CSMD3: variants seen among roughly 807,000 people sequenced by gnomAD.
CSMD3 encodes the protein CUB and Sushi multiple domains 3.
In CSMD3, 177 loss-of-function variants were observed where a neutral mutation model predicts 435.2. The observed-to-expected ratio is 0.41, with a 90% CI of 0.36 to 0.46. The LOEUF is 0.46. CSMD3 is among the 20% of genes least tolerant of loss of function. CSMD3 has a pLI of 0.34. For synonymous variants in CSMD3, 1,656 were observed against 1,520.5 expected, an observed-to-expected ratio of 1.09 and a Z score of -2.07; for missense variants, 4,265 against 4,504.6, an observed-to-expected ratio of 0.95 and a Z score of 1.52.
chr8:112,554,947 G>A (rs1827987922), intron 25 of CSMD3, among the ~76,000 whole-genome samples: 1 of 151,838 alleles, frequency 6.6e-6, no homozygotes, highest in Admixed American at 6.6e-5. Context: ...TATAATCATA[G>A]GCCAAGTGTT....
intron 2 of CSMD3, among the ~76,000 whole-genome samples, chr8:113,290,062 A>C (rs1436721890): frequency 6.6e-6 from 1 of 151,780 alleles, no homozygotes; most frequent in Non-Finnish European, 1.5e-5. Flanking sequence ...TGCACATACA[A>C]TCTATGCCAA....
At chr8:112,638,638 T>C in intron 21 of CSMD3, 58 bp downstream of exon 21, 1 of 1,031,200 alleles carries the variant, frequency 9.7e-7, no homozygotes, top group East Asian at 2.4e-5. Context: ...GCTCATATCT[T>C]GAAAAATTGC....
intron 22 of CSMD3, among the ~76,000 whole-genome samples, chr8:112,636,265 T>G (rs1304094513): frequency 6.6e-6 from 1 of 152,144 alleles, no homozygotes; most frequent in African/African-American, 2.4e-5. Flanking sequence ...AATAGCTCTC[T>G]TAATTTATCT....
chr8:113,216,509 A>T (rs963889532), intron 3 of CSMD3, among the ~76,000 whole-genome samples: 10 of 151,866 alleles, frequency 6.6e-5, no homozygotes, highest in South Asian at 2.1e-4. Context: ...CATTTTTTTA[A>T]AATTTCAAAA....
In CSMD3 at chr8:112,745,778, T is replaced by A. The variant is rs1202889630; in HGVS notation, c.1972+54384A>T. Among the ~76,000 whole-genome samples, 5 of 151,768 alleles carry A rather than the reference T, an allele frequency of 3.3e-5. No homozygotes were observed. The South Asian group carries it at 1.1e-3, about 32-fold the overall frequency. On this transcript the variant is annotated intron_variant, in intron 13 of 70. Coordinates refer to ENST00000297405, the MANE Select transcript of CSMD3 (RefSeq NM_198123.2). ...GAAATATGACTATAATGCTTACTAA[T>A]ACAAAATGCCCCTAGATAATGTAGG...
chr8:113,097,371 C>T (rs1031744173), intron 5 of CSMD3, among the ~76,000 whole-genome samples: 3 of 151,996 alleles, frequency 2.0e-5, no homozygotes, highest in Non-Finnish European at 4.4e-5. Context: ...ACCAAAGAGG[C>T]CTGCTCTTTC....
In CSMD3 at chr8:113,248,581, A is replaced by G. The variant is rs1466569153; in HGVS notation, c.514+30011T>C. Among the ~76,000 whole-genome samples the G allele has an allele frequency of 2.0e-5, 3 of 148,818 alleles. No individual in the cohort carries two copies. The East Asian group carries it at 5.9e-4, about 29-fold the overall frequency. On this transcript the variant is annotated intron_variant, in intron 3 of 70. Coordinates refer to ENST00000297405, the MANE Select transcript of CSMD3 (RefSeq NM_198123.2). ...ACATGTGGAGGAAATAAATTGTTATATATAAATTGCCATGTATTTATTTAT... is the reference window on the plus strand; with the variant it reads ...ACATGTGGAGGAAATAAATTGTTATGTATAAATTGCCATGTATTTATTTAT...
intron 23 of CSMD3, among the ~76,000 whole-genome samples, chr8:112,584,204 A>G (rs1563732198): frequency 2.0e-5 from 3 of 151,966 alleles, no homozygotes; most frequent in South Asian, 2.1e-4. Context: ...CTAGAGCCAA[A>G]GAAGGATATA....
At chr8:112,963,192 T>C (rs973283159) in intron 7 of CSMD3, among the ~76,000 whole-genome samples, 3 of 151,982 alleles carry the variant, frequency 2.0e-5, no homozygotes, top group Non-Finnish European at 2.9e-5. Context: ...AAGGCTACAA[T>C]AGGACTTTGT....
intron 8 of CSMD3, among the ~76,000 whole-genome samples, chr8:112,954,243 CTTG>C (rs1447318109): frequency 6.6e-6 from 1 of 151,406 alleles, no homozygotes; most frequent in African/African-American, 2.4e-5. Flanking sequence ...CAAATTAAGA[CTTG>C]TTTTTTCTGA....
chr8:112,538,478 A>T (rs1266436520), intron 27 of CSMD3, among the ~76,000 whole-genome samples: 3 of 152,154 alleles, frequency 2.0e-5, no homozygotes, highest in African/African-American at 7.2e-5. Context: ...ATGTTGTTAG[A>T]ACTTATAAAT....
At chr8:112,796,309 T>C (rs2078828137) in intron 13 of CSMD3, among the ~76,000 whole-genome samples, 2 of 152,110 alleles carry the variant, frequency 1.3e-5, no homozygotes, top group Admixed American at 1.3e-4. Context: ...ATATTTGTTG[T>C]TTGCTTTCTG....
At chr8:112,395,255 C>T (rs1830766089) in intron 35 of CSMD3, among the ~76,000 whole-genome samples, 1 of 152,044 alleles carries the variant, frequency 6.6e-6, no homozygotes, top group South Asian at 2.1e-4. Context: ...TTTATCTAAA[C>T]CAAGAGGTTT....
chr8:113,410,243 A>G (rs913239580), intron 1 of CSMD3, among the ~76,000 whole-genome samples: 2 of 152,136 alleles, frequency 1.3e-5, no homozygotes, highest in African/African-American at 4.8e-5. Flanking sequence ...TTCCTGTCCT[A>G]TTTACCCCTC....
intron 2 of CSMD3, among the ~76,000 whole-genome samples, chr8:113,305,850 A>C (rs1225302863): frequency 2.6e-5 from 4 of 152,202 alleles, no homozygotes; most frequent in African/African-American, 9.6e-5. Flanking sequence ...CTTTTTTTCT[A>C]ATTCACTTGC....
chr8:112,877,802 A>G (rs1419872743), intron 10 of CSMD3, among the ~76,000 whole-genome samples: 1 of 152,198 alleles, frequency 6.6e-6, no homozygotes, highest in African/African-American at 2.4e-5. Context: ...AACCAGACAA[A>G]AATAAGCAAT....
chr8:113,197,381 C>T (rs1417768063), intron 3 of CSMD3, among the ~76,000 whole-genome samples: 3 of 150,744 alleles, frequency 2.0e-5, no homozygotes, highest in South Asian at 2.1e-4. Context: ...TTATGTTATG[C>T]AAATACTCCA....
intron 27 of CSMD3, among the ~76,000 whole-genome samples, chr8:112,535,725 G>A (rs186336441): frequency 3.7e-4 from 56 of 152,226 alleles, no homozygotes; most frequent in African/African-American, 1.3e-3. Context: ...TCGATCCTAA[G>A]CCAAAAGAAC....
intron 10 of CSMD3, among the ~76,000 whole-genome samples, chr8:112,897,487 C>T (rs779172202): frequency 6.6e-6 from 1 of 151,262 alleles, no homozygotes; most frequent in East Asian, 2.0e-4. Flanking sequence ...TTTGTTCCTG[C>T]CCTATTGATT....
Sources: gnomAD v4.1 joint callset for allele counts (sites outside exome capture counted in the v4.1 genomes callset) on GRCh38, gnomAD v4.1.1 for gene constraint, MANE v1.5 for transcripts, NCBI Gene and HGNC (gene_info 2026-07-23, HGNC 2026-07-21) for gene names.